The following OGA variants were observed in gnomAD, a reference collection of about 807,000 sequenced individuals.
OGA encodes the protein protein O-GlcNAcase.
Under a neutral mutation model 102.0 loss-of-function variants are expected in OGA, and 21 were observed. That is an observed-to-expected ratio of 0.21 (90% CI 0.15 to 0.30). OGA has a LOEUF of 0.30. OGA is among the 10% of genes least tolerant of loss of function. The probability of loss-of-function intolerance (pLI) is 1.00; values close to 1 mark genes in which losing one functional copy is unlikely to be tolerated. For synonymous variants in OGA, 408 were observed against 378.2 expected (o/e 1.08, Z -0.91); for missense variants, 765 against 1,107.8 (o/e 0.69, Z 4.39).
At chr10:101,789,540 G>A (rs2065231807) in intron 14 of OGA, among the ~76,000 whole-genome samples, 1 of 151,992 alleles carries the variant, frequency 6.6e-6, no homozygotes, top group Admixed American at 6.6e-5. Flanking sequence ...GAATACTTTG[G>A]TGTGGTGGAG....
chr10:101,789,959 G>C (rs1434957466), intron 14 of OGA, among the ~76,000 whole-genome samples: 1 of 152,140 alleles, frequency 6.6e-6, no homozygotes, highest in Non-Finnish European at 1.5e-5. Flanking sequence ...TGGGTGACAA[G>C]GTGAGACACT....
At chr10:101,812,708 G>T (rs923897081) in intron 3 of OGA, 1 of 371,006 alleles carries the variant, frequency 2.7e-6, no homozygotes, top group Non-Finnish European at 5.1e-6. Context: ...CACTTGCCTT[G>T]CCCTGGGCCT....
rs2065431635 is a variant in OGA, at chr10:101,803,865, T to C, written c.906A>G (p.Glu302=). The C allele has an allele frequency of 1.9e-6, 3 of 1,614,066 alleles. No homozygotes were observed. The highest frequency in any genetic ancestry group is 2.7e-5 in the African/African-American group (2 of 74,908). Residue 302 remains glutamate (E), a synonymous_variant, in exon 7 of 16, where the codon GAA becomes GAG. Coordinates refer to ENST00000361464, the MANE Select transcript of OGA (RefSeq NM_012215.5). ...FLGPYKGRST[E]LIPRLKGVLT... The stretch of plus-strand genomic sequence containing the variant: ...GGACTCCTTTTAACCGTGGGATGAG[T>C]TCTGTGGATCTTCCTTTGTACGGGC...
chr10:101,787,473 G>C lies in OGA; in HGVS notation c.2505C>G (p.Phe835Leu), dbSNP rs1293877315. 6.8e-6 allele frequency: 11 copies of C among 1,613,642 alleles called. No individual in the cohort carries two copies. Among genetic ancestry groups the C allele is most frequent in the African/African-American group, 1.3e-5 (1 of 74,906 alleles). ...HEEQEVLPET[F>L]LANFPSLIKM... ...TTATCAGAGAAGGGAAATTAGCAAG[G>C]AAAGTTTCTGGCAGTACTTCCTGTT... The change falls in exon 15 of 16, where the codon TTC becomes TTG. Residue 835 changes from phenylalanine to leucine, a missense_variant. Coordinates refer to ENST00000361464, the MANE Select transcript of OGA (RefSeq NM_012215.5).
intron 6 of OGA, among the ~76,000 whole-genome samples, chr10:101,805,113 T>G (rs894460017): frequency 6.6e-6 from 1 of 151,982 alleles, no homozygotes; most frequent in Admixed American, 6.6e-5. Context: ...CACAGCTCAC[T>G]GCAGCCTCTA....
At chr10:101,806,188 A>T in intron 5 of OGA, 45 bp from the exon 6 acceptor site, 1 of 1,205,244 alleles carries the variant, frequency 8.3e-7, no homozygotes, top group Non-Finnish European at 1.2e-6. Flanking sequence ...TAAAATGCTC[A>T]TGGGTTTTCT....
rs559433920 is a variant in OGA at position 101,800,354 on chromosome 10, A to C, written c.1083T>G (p.Asn361Lys). The change falls in exon 8 of 16, where the codon AAT (asparagine) becomes AAG (lysine). Residue 361 changes from asparagine (N) to lysine (K), a missense_variant. Physicochemically the swap from Asn to Lys is moderately conservative, Grantham distance 94. Coordinates refer to ENST00000361464, the MANE Select transcript of OGA (RefSeq NM_012215.5). ...STVSIQIKLE[N>K]EGSDEDIETD... is the part of the protein sequence containing the mutation. ...TTTCAATATCTTCATCACTGCCTTCATTTTCTAATTTTATCTGGATGGACA... is the reference window on the plus strand; with the variant it reads ...TTTCAATATCTTCATCACTGCCTTCCTTTTCTAATTTTATCTGGATGGACA... The C allele has an allele frequency of 1.9e-6, 3 of 1,613,308 alleles. No individual in the cohort carries two copies. In the East Asian group the frequency reaches 6.7e-5, roughly 36 times the overall value.
rs771633700 is a variant in OGA at position 101,797,968 on chromosome 10, T to C, written c.1984+12A>G. The C allele has an allele frequency of 6.2e-7, 1 of 1,608,164 alleles. No individual in the cohort carries two copies. The highest frequency in any genetic ancestry group is 8.5e-7 in the Non-Finnish European group (1 of 1,175,716). ...ATATTTGAGGAGAAGAGATTATTCC[T>C]GGTGCACCTACCTAACCACTGTACA... On this transcript the variant is annotated intron_variant, in intron 10 of 15. Coordinates refer to ENST00000361464, the MANE Select transcript of OGA (RefSeq NM_012215.5).
rs778965388 is a variant in OGA, at chr10:101,799,199, C to T, written c.1452G>A (p.Leu484=). The T allele has an allele frequency of 8.5e-5, 137 of 1,614,100 alleles. 1 individual carries two copies. The highest frequency in any genetic ancestry group is 1.2e-4 in the Non-Finnish European group (136 of 1,180,044). The part of the protein sequence containing the change: ...ETDHKNDNQI[L]SEIVEAKMAE... ...CCATTTTCGCTTCAACAATTTCACT[C>T]AGTATTTGATTGTCATTCTTGTGGT... The change falls in exon 9 of 16, where the codon CTG becomes CTA. Residue 484 remains leucine, a synonymous_variant. Coordinates refer to ENST00000361464, the MANE Select transcript of OGA (RefSeq NM_012215.5).
In OGA at chr10:101,799,472, A is replaced by G; in HGVS notation, c.1196-17T>C. The G allele has an allele frequency of 6.3e-7, 1 of 1,593,694 alleles. No individual in the cohort carries two copies. Among genetic ancestry groups the G allele is most frequent in the Non-Finnish European group, 8.6e-7 (1 of 1,168,310 alleles). On this transcript the variant is annotated splice_polypyrimidine_tract_variant and intron_variant, in intron 8 of 15. Transcript: ENST00000361464. ...CTTGCCTACCTACAAAAATAAATAA[A>G]TGTATAAATAAAATGGTCACACAGA...
intron 1 of OGA, among the ~76,000 whole-genome samples, chr10:101,815,905 G>A (rs1349870766): frequency 7.7e-6 from 1 of 129,576 alleles, no homozygotes; most frequent in Non-Finnish European, 1.6e-5. Flanking sequence ...AGTAACTATA[G>A]TATTTCTATG....
chr10:101,817,363 C>T (rs2065645898), intron 1 of OGA, among the ~76,000 whole-genome samples: 1 of 152,186 alleles, frequency 6.6e-6, no homozygotes, highest in Non-Finnish European at 1.5e-5. Flanking sequence ...CCAAGTGGAA[C>T]TTGAAATACT....
chr10:101,799,561 G>T, intron 8 of OGA, 106 bp from the exon 9 acceptor site: 1 of 1,193,016 alleles, frequency 8.4e-7, no homozygotes, highest in Non-Finnish European at 1.2e-6. Flanking sequence ...TTGTTAAGTG[G>T]AACCTCAATT....
chr10:101,807,140 C>T (rs2065487020), intron 5 of OGA, among the ~76,000 whole-genome samples: 1 of 152,036 alleles, frequency 6.6e-6, no homozygotes, highest in South Asian at 2.1e-4. Flanking sequence ...ACAATACACA[C>T]AAAGAAAGTT....
chr10:101,817,788 T>A, intron 1 of OGA, 36 bp downstream of exon 1: 2 of 1,534,270 alleles, frequency 1.3e-6, no homozygotes, highest in Non-Finnish European at 1.7e-6. Flanking sequence ...ACAGAACGTG[T>A]TAGTGCCAAA....
intron 1 of OGA, among the ~76,000 whole-genome samples, chr10:101,817,242 C>A (rs959062566): frequency 2.6e-5 from 4 of 152,132 alleles, no homozygotes; most frequent in African/African-American, 9.7e-5. Flanking sequence ...GTGATTAAAG[C>A]CAAAGTTTCA....
At position 101,804,028 on chromosome 10, in the gene OGA, AACG is replaced by A. The variant is rs2065432827; in HGVS notation, c.752-12_752-10del. 1 of 1,603,180 alleles carries A rather than the reference AACG, an allele frequency of 6.2e-7. No individual in the cohort carries two copies. The highest frequency in any genetic ancestry group is 1.7e-5 in the Admixed American group (1 of 58,392). ...AGAAACAACTTTGGGACCTAGAAATAACGACAACCGTTCGTTAAAAGAATCATG... is the reference window on the plus strand; with the variant it reads ...AGAAACAACTTTGGGACCTAGAAATAACAACCGTTCGTTAAAAGAATCATG... On this transcript the variant is annotated splice_polypyrimidine_tract_variant and intron_variant, in intron 6 of 15. Coordinates refer to ENST00000361464, the MANE Select transcript of OGA (RefSeq NM_012215.5).
At chr10:101,815,294 T>C (rs79452940) in intron 1 of OGA, among the ~76,000 whole-genome samples, 50 of 152,216 alleles carry the variant, frequency 3.3e-4, no homozygotes, top group South Asian at 6.2e-4. Context: ...TTTTTTTTTT[T>C]CTCAGGCGGA....
chr10:101,797,657 C>T, intron 10 of OGA: 1 of 474,996 alleles, frequency 2.1e-6, no homozygotes, highest in Non-Finnish European at 3.7e-6. Flanking sequence ...CATAGTGTCT[C>T]ATCTCCAAAT....
Sources: allele counts gnomAD v4.1 joint callset (sites outside exome capture counted in the v4.1 genomes callset), GRCh38; gene constraint gnomAD v4.1.1; transcripts MANE v1.5; gene names NCBI Gene and HGNC (gene_info 2026-07-23, HGNC 2026-07-21).